CLDN15: variants seen among roughly 807,000 people sequenced by gnomAD.
CLDN15 encodes claudin 15, also known as claudin-15.
A neutral mutation model predicts 24.5 loss-of-function variants in CLDN15; 9 were observed. The observed-to-expected ratio is 0.37, with a 90% CI of 0.22 to 0.64. The LOEUF is 0.64. Among genes scored for constraint, CLDN15 ranks in the 30% least tolerant of loss-of-function variants. The pLI is 0.63. For missense variants in CLDN15, 248 were observed against 305.9 expected, an observed-to-expected ratio of 0.81 and a Z score of 1.41; for synonymous variants, 149 against 131.4, an observed-to-expected ratio of 1.13 and a Z score of -0.92.
At chr7:101,234,194 T>C in intron 2 of CLDN15, 84 bp downstream of exon 2, 2 of 1,100,830 alleles carry the variant, frequency 1.8e-6, no homozygotes, top group Non-Finnish European at 2.8e-6. Flanking sequence ...GGAGTGGGAA[T>C]TGGAGAGGAG....
intron 2 of CLDN15, 94 bp downstream of exon 2, chr7:101,234,184 G>A (rs1461012779): frequency 7.0e-6 from 7 of 1,005,998 alleles, no homozygotes; most frequent in Admixed American, 5.1e-5. Context: ...GTGAGCATGA[G>A]GAGTGGGAAT....
chr7:101,236,864 T>A, intron 1 of CLDN15: 1 of 1,247,768 alleles, frequency 8.0e-7, no homozygotes, highest in Non-Finnish European at 1.1e-6. Flanking sequence ...CCCCCGACAG[T>A]GAGGCTGGGG....
At position 101,237,739 on chromosome 7, in the gene CLDN15, G is replaced by A. The variant is rs1798660229; in HGVS notation, c.-158C>T. 3.1e-6 allele frequency: 2 copies of A among 638,228 alleles called. No individual in the cohort carries two copies. The highest frequency in any genetic ancestry group is 5.6e-6 in the Non-Finnish European group (2 of 354,798). The allele number at this position is 638,228 out of a possible 1,614,324, so 39.5% of individuals were successfully genotyped here. On this transcript the variant is annotated 5_prime_UTR_variant, in exon 1 of 5. The change creates a new upstream start codon in the 5' untranslated region. Coordinates refer to ENST00000308344, the MANE Select transcript of CLDN15 (RefSeq NM_014343.3). This position sits in a 1 kb window ranked among gnomAD's most constrained non-coding sequence, Gnocchi z 4.0. ...CTGCCTCTTCCTCGGGCTCAGGTCC[G>A]TCTCCACTTTCTGCCTCCCTCCTGC...
At position 101,237,287 on chromosome 7, in the gene CLDN15, C is replaced by T. The variant is rs1047896529; in HGVS notation, c.217+78G>A. The T allele has an allele frequency of 1.0e-5, 10 of 954,846 alleles. No individual in the cohort carries two copies. In the African/African-American group the frequency reaches 1.5e-4, roughly 14 times the overall value. The allele number at this position is 954,846 out of a possible 1,614,324, so 59.1% of individuals were successfully genotyped here. On this transcript the variant is annotated intron_variant, in intron 1 of 4. Transcript: ENST00000308344. This position sits in a 1 kb window ranked among gnomAD's most constrained non-coding sequence, Gnocchi z 4.0. ...TAATTCAGGGCTCCCTGCATCCTCA[C>T]GGAAGTACCCGCCCTCCCCTGGGGT...
At position 101,237,553 on chromosome 7, in the gene CLDN15, A is replaced by C. The variant is rs777429148; in HGVS notation, c.29T>G (p.Phe10Cys). 1 of 1,614,138 alleles carries C rather than the reference A, an allele frequency of 6.2e-7. No homozygotes were observed. The stretch of plus-strand genomic sequence containing the variant: ...CAGCAGCCCCACAGTTGCCATGAAG[A>C]AGCCAAAGGTTTCCACAGCCATCGA... Reference protein sequence around the residue: MSMAVETFGFFMATVGLLML... With the variant: MSMAVETFGCFMATVGLLML... The change falls in exon 1 of 5, where the codon TTC becomes TGC. Residue 10 changes from phenylalanine (F) to cysteine (C), a missense_variant. Physicochemically the swap from Phe to Cys is radical, Grantham distance 205 (BLOSUM62 -2). Transcript: ENST00000308344. This position sits in a 1 kb window ranked among gnomAD's most constrained non-coding sequence, Gnocchi z 4.0.
chr7:101,232,223 C>T lies in CLDN15; in HGVS notation c.*187G>A, dbSNP rs1798512439. On this transcript the variant is annotated 3_prime_UTR_variant, in exon 5 of 5. Transcript: ENST00000308344. ...GATCCAGCCTCAGAGGGGAGATATG[C>T]GACTTCCCAAGAGCAGTTCTTGGCC... 3.5e-6 allele frequency: 2 copies of T among 563,618 alleles called. No homozygotes were observed. The highest frequency in any genetic ancestry group is 3.1e-6 in the Non-Finnish European group (1 of 318,108). 34.9% of individuals were successfully genotyped at this position (563,618 alleles called of 1,614,324 possible).
rs762005185 is a variant in CLDN15, at chr7:101,237,499, T to C, written c.83A>G (p.Tyr28Cys). 2 of 1,613,918 alleles carry C rather than the reference T, an allele frequency of 1.2e-6. No individual in the cohort carries two copies. Among genetic ancestry groups the C allele is most frequent in the Non-Finnish European group, 8.5e-7 (1 of 1,179,910 alleles). Reference sequence around the variant, plus strand: ...CCCGTGCACAGTGGACACTCGCCAGTAGCTGTTTGGCAGAGTCACCCCCAG... The same window carrying C: ...CCCGTGCACAGTGGACACTCGCCAGCAGCTGTTTGGCAGAGTCACCCCCAG... ...LMLGVTLPNSYWRVSTVHGNV... is the reference protein window; with the variant it reads ...LMLGVTLPNSCWRVSTVHGNV... The change falls in exon 1 of 5, where the codon TAC (tyrosine) becomes TGC (cysteine). Residue 28 changes from tyrosine to cysteine, a missense_variant. Transcript: ENST00000308344. The surrounding 1 kb of genome is among the most constrained non-coding windows in gnomAD (Gnocchi z 4.0).
chr7:101,237,331 G>A lies in CLDN15; in HGVS notation c.217+34C>T, dbSNP rs199959551. On this transcript the variant is annotated intron_variant, in intron 1 of 4. Coordinates refer to ENST00000308344, the MANE Select transcript of CLDN15 (RefSeq NM_014343.3). This position sits in a 1 kb window ranked among gnomAD's most constrained non-coding sequence, Gnocchi z 4.0. Reference sequence around the variant, plus strand: ...CTGGGGTCTCTGCAGCTTCCCCGCCGCCCTCTCTCCCTGGAGCGCTCCCCA... The same window carrying A: ...CTGGGGTCTCTGCAGCTTCCCCGCCACCCTCTCTCCCTGGAGCGCTCCCCA... 873 of 1,400,246 alleles carry A rather than the reference G, an allele frequency of 6.2e-4. 16 individuals carry two copies. In the Admixed American group the frequency reaches 0.015, roughly 25 times the overall value. The allele number at this position is 1,400,246 out of a possible 1,614,324, so 86.7% of individuals were successfully genotyped here. A position where few individuals can be genotyped will look rare whatever the true frequency, so the allele number is the denominator to read the frequency against.
In CLDN15 at chr7:101,237,591, C is replaced by A. The variant is rs536535556; in HGVS notation, c.-10G>T. On this transcript the variant is annotated 5_prime_UTR_variant, in exon 1 of 5. Coordinates refer to ENST00000308344, the MANE Select transcript of CLDN15 (RefSeq NM_014343.3). The surrounding 1 kb of genome is among the most constrained non-coding windows in gnomAD (Gnocchi z 4.0). The stretch of plus-strand genomic sequence containing the variant: ...CCACAGCCATCGACATGGTGGGATG[C>A]AGGACCCTGGGGGGCTGGTGCCCCA... 1 of 1,608,778 alleles carries A rather than the reference C, an allele frequency of 6.2e-7. No homozygotes were observed. The highest frequency in any genetic ancestry group is 1.7e-5 in the Admixed American group (1 of 59,918).
In CLDN15 at chr7:101,232,534, G is replaced by T; in HGVS notation, c.582-19C>A. ...CCGGGCGCTGCGGGGAGGGCCCGGG[G>T]TCAGAGCGGGGGCGCGGCCCTCCTC... On this transcript the variant is annotated intron_variant, in intron 4 of 4. Transcript: ENST00000308344. The T allele has an allele frequency of 6.2e-7, 1 of 1,603,134 alleles. No homozygotes were observed. Among genetic ancestry groups the T allele is most frequent in the Non-Finnish European group, 8.5e-7 (1 of 1,171,568 alleles).
chr7:101,233,306 G>T (rs980957745), intron 2 of CLDN15, among the ~76,000 whole-genome samples: 1 of 151,966 alleles, frequency 6.6e-6, no homozygotes, highest in African/African-American at 2.4e-5. Context: ...GCTGGGCCAT[G>T]GGAGTCCAGG....
intron 2 of CLDN15, 48 bp from the exon 3 acceptor site, chr7:101,232,962 G>C (rs569042781): frequency 1.5e-6 from 2 of 1,359,886 alleles, no homozygotes; most frequent in Non-Finnish European, 1.0e-6. Flanking sequence ...GAGGGATAGT[G>C]GGGGAGGGGG....
At chr7:101,237,856 G>T, upstream of CLDN15, 1 of 477,090 alleles carries the variant, frequency 2.1e-6, no homozygotes, top group Non-Finnish European at 3.9e-6. The surrounding 1 kb of genome is among the most constrained non-coding windows in gnomAD (Gnocchi z 4.0). Flanking sequence ...TAACCGAAAC[G>T]GGCCAAAAGT....
At chr7:101,236,740 C>G in intron 1 of CLDN15, 2 of 1,291,312 alleles carry the variant, frequency 1.5e-6, no homozygotes, top group Non-Finnish European at 2.0e-6. Context: ...CTGGAAGCCC[C>G]ACACACCTGC....
rs1210499341 is a variant in CLDN15 at position 101,237,320 on chromosome 7, G to A, written c.217+45C>T. On this transcript the variant is annotated intron_variant, in intron 1 of 4. Coordinates refer to ENST00000308344, the MANE Select transcript of CLDN15 (RefSeq NM_014343.3). This position sits in a 1 kb window ranked among gnomAD's most constrained non-coding sequence, Gnocchi z 4.0. ...CCCGCCCTCCCCTGGGGTCTCTGCA[G>A]CTTCCCCGCCGCCCTCTCTCCCTGG... 5 of 1,303,582 alleles carry A rather than the reference G, an allele frequency of 3.8e-6. No individual in the cohort carries two copies. In the Admixed American group the frequency reaches 9.8e-5, roughly 25 times the overall value. The allele number at this position is 1,303,582 out of a possible 1,614,324, so 80.8% of individuals were successfully genotyped here. A position where few individuals can be genotyped will look rare whatever the true frequency, so the allele number is the denominator to read the frequency against.
At chr7:101,236,726 T>C (rs984865887) in intron 1 of CLDN15, 3 of 1,290,668 alleles carry the variant, frequency 2.3e-6, no homozygotes, top group South Asian at 2.5e-5. Context: ...AGAAAGACAC[T>C]GTCCTGGAAG....
At position 101,232,490 on chromosome 7, in the gene CLDN15, CTG is replaced by C. The variant is rs1245647296; in HGVS notation, c.605_606del (p.Pro202ArgfsTer65). 2 of 1,613,248 alleles carry C rather than the reference CTG, an allele frequency of 1.2e-6. No individual in the cohort carries two copies. The highest frequency in any genetic ancestry group is 1.7e-6 in the Non-Finnish European group (2 of 1,179,568). On this transcript the variant is annotated frameshift_variant, in exon 5 of 5. Transcript: ENST00000308344. LOFTEE classifies it high-confidence loss of function. ...AASARRPYQA[P>X]VSVMPVATSD... ...GAGGTGGCGACGGGCATCACGGACA[CTG>C]GAGCCTGGTAGGGCCGCCGGGCGCT...
chr7:101,232,105 T>G lies in CLDN15; in HGVS notation c.*305A>C. The G allele has an allele frequency of 1.2e-5, 3 of 254,940 alleles. No homozygotes were observed. Among genetic ancestry groups the G allele is most frequent in the African/African-American group, 2.3e-5 (1 of 44,048 alleles). 15.8% of individuals were successfully genotyped at this position (254,940 alleles called of 1,614,324 possible). A position where few individuals can be genotyped will look rare whatever the true frequency, so the allele number is the denominator to read the frequency against. On this transcript the variant is annotated 3_prime_UTR_variant, in exon 5 of 5. Transcript: ENST00000308344. The stretch of plus-strand genomic sequence containing the variant: ...ACCTTCAAGCCCTGAACGGTCACAA[T>G]ATGCATTTATTAATGAATGTATTTA...
intron 2 of CLDN15, chr7:101,233,905 T>C: frequency 2.7e-6 from 1 of 374,044 alleles, no homozygotes; most frequent in Non-Finnish European, 5.3e-6. Flanking sequence ...ATTACAGGCA[T>C]GAGCCACCAT....
Sources: gnomAD v4.1 joint callset for allele counts (sites outside exome capture counted in the v4.1 genomes callset) on GRCh38, gnomAD v4.1.1 for gene constraint, Gnocchi (gnomAD v3.1) non-coding constraint, MANE v1.5 for transcripts, NCBI Gene and HGNC (gene_info 2026-07-23, HGNC 2026-07-21) for gene names.